Variants in EBF2 observed in about 807,000 individuals in gnomAD.
EBF2 encodes the protein transcription factor COE2.
EBF2 carries 21 observed loss-of-function variants against 72.8 expected under a neutral mutation model. The ratio of observed to expected loss-of-function variants is 0.29; its 90% CI spans 0.20 to 0.42. EBF2 has a LOEUF of 0.42. Ranked by LOEUF, EBF2 falls within the 10% of genes least tolerant of loss-of-function variation. The probability of loss-of-function intolerance (pLI) is 1.00; values close to 1 mark genes in which losing one functional copy is unlikely to be tolerated. For missense variants in EBF2, 637 were observed against 731.2 expected, an observed-to-expected ratio of 0.87 and a Z score of 1.49; for synonymous variants, 299 against 274.2, an observed-to-expected ratio of 1.09 and a Z score of -0.89.
chr8:25,886,792 C>G lies in EBF2; in HGVS notation c.972G>C (p.Gln324His), dbSNP rs1802696747. The G allele has an allele frequency of 6.2e-7, 1 of 1,611,850 alleles. No homozygotes were observed. The highest frequency in any genetic ancestry group is 8.5e-7 in the Non-Finnish European group (1 of 1,178,864). The stretch of plus-strand genomic sequence containing the variant: ...ACCTTCCTGGGGCTCCTTTGCAGAA[C>G]TGTTTAGATTTATAAGATAATGTCA... ...VEVTLSYKSK[Q>H]FCKGAPGRFI... The change falls in exon 10 of 16, where the codon CAG becomes CAC. Residue 324 changes from glutamine (Q) to histidine (H), a missense_variant. Gln to His is a conservative substitution (Grantham distance 24). Around this residue, in one of 3 missense-constraint regions of EBF2, gnomAD observed 204 missense variants for 301.2 expected, o/e 0.68. Coordinates refer to ENST00000520164, the MANE Select transcript of EBF2 (RefSeq NM_022659.4).
chr8:25,988,860 C>CTCAGTT (rs1804501421), intron 6 of EBF2, among the ~76,000 whole-genome samples: 1 of 152,204 alleles, frequency 6.6e-6, no homozygotes, highest in Admixed American at 6.5e-5. Flanking sequence ...AGAACTTCTA[C>CTCAGTT]TCAGTTCTTT....
chr8:26,022,225 C>A (rs565300995), intron 6 of EBF2, among the ~76,000 whole-genome samples: 93 of 152,316 alleles, frequency 6.1e-4, no homozygotes, highest in African/African-American at 1.9e-3. Context: ...CTTATCCCAA[C>A]TGAGTCTTTG....
At chr8:26,017,298 G>A (rs1162927560) in intron 6 of EBF2, among the ~76,000 whole-genome samples, 1 of 152,138 alleles carries the variant, frequency 6.6e-6, no homozygotes, top group South Asian at 2.1e-4. Flanking sequence ...GTTGCTCTGT[G>A]ACTAGATGGT....
chr8:25,954,100 T>G (rs1803905122), intron 6 of EBF2, among the ~76,000 whole-genome samples: 1 of 152,222 alleles, frequency 6.6e-6, no homozygotes, highest in African/African-American at 2.4e-5. Context: ...TAATCTATCA[T>G]GCTAGCAACA....
intron 6 of EBF2, among the ~76,000 whole-genome samples, chr8:25,935,789 C>T (rs1279369439): frequency 6.6e-6 from 1 of 152,166 alleles, no homozygotes; most frequent in Non-Finnish European, 1.5e-5. Context: ...ATGTAGATGT[C>T]CTTCTTTTTA....
intron 15 of EBF2, among the ~76,000 whole-genome samples, chr8:25,848,449 C>G (rs969235794): frequency 2.0e-5 from 3 of 152,160 alleles, no homozygotes; most frequent in African/African-American, 7.2e-5. Context: ...TAAGACCAAG[C>G]AAGGTTTCCT....
chr8:26,030,220 A>C (rs903088800), intron 6 of EBF2, among the ~76,000 whole-genome samples: 3 of 152,206 alleles, frequency 2.0e-5, no homozygotes, highest in African/African-American at 7.2e-5. Context: ...TCAGTGAGAG[A>C]ACTCTTATCT....
At chr8:26,015,405 T>C (rs1261804614) in intron 6 of EBF2, among the ~76,000 whole-genome samples, 1 of 152,218 alleles carries the variant, frequency 6.6e-6, no homozygotes, top group Non-Finnish European at 1.5e-5. Context: ...CCAGCAGTTT[T>C]CACATCCTCT....
In EBF2 at chr8:25,844,658, C is replaced by A; in HGVS notation, c.1697-18G>T. Reference sequence around the variant, plus strand: ...GGTCATGGCTGCAAGGAAAGAGTGGCACAGGAATGAGACTTGGGGACTTTT... The same window carrying A: ...GGTCATGGCTGCAAGGAAAGAGTGGAACAGGAATGAGACTTGGGGACTTTT... On this transcript the variant is annotated intron_variant, in intron 15 of 15. Coordinates refer to ENST00000520164, the MANE Select transcript of EBF2 (RefSeq NM_022659.4). 1 of 1,613,830 alleles carries A rather than the reference C, an allele frequency of 6.2e-7. No individual in the cohort carries two copies.
intron 6 of EBF2, among the ~76,000 whole-genome samples, chr8:25,923,413 G>T (rs1803336832): frequency 6.6e-6 from 1 of 152,108 alleles, no homozygotes. Context: ...GAAAAATCAG[G>T]CCCGGTATTT....
intron 6 of EBF2, among the ~76,000 whole-genome samples, chr8:25,995,457 TA>T (rs1804609879): frequency 1.3e-5 from 2 of 152,156 alleles, no homozygotes; most frequent in Admixed American, 1.3e-4. Context: ...ATATCTGCTA[TA>T]ATAATAAACG....
intron 6 of EBF2, among the ~76,000 whole-genome samples, chr8:25,933,366 C>T (rs1803515553): frequency 6.6e-6 from 1 of 152,124 alleles, no homozygotes; most frequent in South Asian, 2.1e-4. Flanking sequence ...AGACATGCTG[C>T]CACGAATCTA....
At chr8:25,993,793 T>C (rs1197863146) in intron 6 of EBF2, among the ~76,000 whole-genome samples, 3 of 151,364 alleles carry the variant, frequency 2.0e-5, no homozygotes, top group African/African-American at 7.3e-5. Context: ...ATGTCCATTA[T>C]GTCTTTTGGG....
intron 6 of EBF2, among the ~76,000 whole-genome samples, chr8:26,020,839 G>A (rs796361753): frequency 3.5e-4 from 53 of 152,294 alleles, no homozygotes; most frequent in African/African-American, 1.3e-3. Context: ...GCCAGCTGGA[G>A]GATAAAATGC....
chr8:25,899,915 C>T (rs7826898), intron 7 of EBF2, among the ~76,000 whole-genome samples: 7,458 of 152,262 alleles, frequency 0.049, 634 homozygotes, highest in African/African-American at 0.17. Flanking sequence ...CATTCCCATC[C>T]GGCAGATCTT....
At position 26,024,608 on chromosome 8, in the gene EBF2, T is replaced by G. The variant is rs113889606; in HGVS notation, c.551+8477A>C. Among the ~76,000 whole-genome samples the G allele has an allele frequency of 1.3e-3, 192 of 152,256 alleles. 4 individuals are homozygous for G. Among genetic ancestry groups the G allele is most frequent in the African/African-American group, 4.4e-3 (183 of 41,558 alleles). On this transcript the variant is annotated intron_variant, in intron 6 of 15. Coordinates refer to ENST00000520164, the MANE Select transcript of EBF2 (RefSeq NM_022659.4). ...GTAGAATGCAGGAAGTCACAGGAATTGTCCTATATGAACTGGCAGTAGACT... is the reference window on the plus strand; with the variant it reads ...GTAGAATGCAGGAAGTCACAGGAATGGTCCTATATGAACTGGCAGTAGACT...
intron 6 of EBF2, among the ~76,000 whole-genome samples, chr8:25,990,384 G>C (rs1180790708): frequency 6.6e-6 from 1 of 152,130 alleles, no homozygotes. Context: ...AGCTTAAAAT[G>C]AGCAATGTTC....
At chr8:25,930,189 G>T (rs1253022010) in intron 6 of EBF2, among the ~76,000 whole-genome samples, 1 of 152,086 alleles carries the variant, frequency 6.6e-6, no homozygotes, top group Non-Finnish European at 1.5e-5. Context: ...TATACTTCTT[G>T]ACCATACTAC....
intron 6 of EBF2, among the ~76,000 whole-genome samples, chr8:25,998,235 G>A (rs1281449671): frequency 6.6e-6 from 1 of 152,166 alleles, no homozygotes; most frequent in East Asian, 1.9e-4. Context: ...TGTCATGAAG[G>A]AGAGATGACT....
Sources: allele counts gnomAD v4.1 joint callset (sites outside exome capture counted in the v4.1 genomes callset), GRCh38; gene constraint gnomAD v4.1.1; regional missense constraint gnomAD v4.1.1; transcripts MANE v1.5; gene names NCBI Gene and HGNC (gene_info 2026-07-23, HGNC 2026-07-21).